The following PLXDC1 variants were observed in gnomAD, a reference collection of about 807,000 sequenced individuals.
PLXDC1 encodes the protein plexin domain-containing protein 1.
A neutral mutation model predicts 61.3 loss-of-function variants in PLXDC1; 39 were observed. The ratio of observed to expected loss-of-function variants is 0.64; its 90% CI spans 0.49 to 0.83. PLXDC1 has a LOEUF of 0.83. Ranked by LOEUF, PLXDC1 falls within the 40% of genes least tolerant of loss-of-function variation. The probability of loss-of-function intolerance (pLI) is 0.00; values close to 1 mark genes in which losing one functional copy is unlikely to be tolerated. For synonymous variants in PLXDC1, 212 were observed against 254.5 expected (o/e 0.83, Z 1.59); for missense variants, 596 against 666.5 (o/e 0.89, Z 1.17).
intron 2 of PLXDC1, among the ~76,000 whole-genome samples, chr17:39,111,398 C>G (rs1910795540): frequency 6.6e-6 from 1 of 152,224 alleles, no homozygotes; most frequent in Non-Finnish European, 1.5e-5. Context: ...GATTCTCGTG[C>G]CTTAGCCTCC....
chr17:39,072,562 G>T, intron 11 of PLXDC1, 77 bp from the exon 12 acceptor site: 1 of 949,150 alleles, frequency 1.1e-6, no homozygotes, highest in Non-Finnish European at 1.7e-6. Flanking sequence ...CAGATGGGAT[G>T]AAAGTTCAGC....
intron 11 of PLXDC1, among the ~76,000 whole-genome samples, chr17:39,075,549 C>T (rs936066422): frequency 2.0e-5 from 3 of 152,210 alleles, no homozygotes; most frequent in Non-Finnish European, 4.4e-5. Flanking sequence ...TCATCTGCCT[C>T]TCTGAGCCTT....
chr17:39,102,600 G>A (rs1050078371), intron 7 of PLXDC1, among the ~76,000 whole-genome samples: 4 of 152,146 alleles, frequency 2.6e-5, no homozygotes, highest in African/African-American at 9.7e-5. Flanking sequence ...CTATCAGGCA[G>A]CCATTAAAGA....
chr17:39,084,138 C>T (rs990801807), intron 8 of PLXDC1, among the ~76,000 whole-genome samples: 13 of 152,156 alleles, frequency 8.5e-5, no homozygotes, highest in African/African-American at 3.1e-4. Context: ...CTCACCTAGT[C>T]GGAGACATTA....
chr17:39,084,775 A>AG (rs1374295806), intron 8 of PLXDC1, among the ~76,000 whole-genome samples: 1 of 152,212 alleles, frequency 6.6e-6, no homozygotes, highest in Non-Finnish European at 1.5e-5. Flanking sequence ...AGGTTGCTGG[A>AG]GGGCGCGTGA....
rs1304970731 is a variant in PLXDC1, at chr17:39,122,109, AAAG to A, written c.256-12721_256-12719del. On this transcript the variant is annotated intron_variant, in intron 2 of 13. Transcript: ENST00000315392. ...AAGACTCTGTCAAAAAAAAAAAAAA[AAAG>A]GGGGGGGGGACTGGGTGCAGTGACT... 4.6e-3 allele frequency among the ~76,000 whole-genome samples: 503 copies of A among 110,026 alleles called. 3 individuals carry two copies. Among genetic ancestry groups the A allele is most frequent in the African/African-American group, 0.013 (457 of 34,064 alleles). 72.2% of individuals were successfully genotyped at this position (110,026 alleles called of 152,430 possible). A position where few individuals can be genotyped will look rare whatever the true frequency, so the allele number is the denominator to read the frequency against.
At chr17:39,090,869 CTCTG>C (rs1381528583) in intron 7 of PLXDC1, among the ~76,000 whole-genome samples, 2 of 120,468 alleles carry the variant, frequency 1.7e-5, no homozygotes, top group Admixed American at 8.0e-5. Flanking sequence ...CCTGTCCTTA[CTCTG>C]TCTTTCTCCC....
intron 2 of PLXDC1, among the ~76,000 whole-genome samples, chr17:39,130,718 GC>G (rs1911531323): frequency 6.6e-6 from 1 of 151,748 alleles, no homozygotes; most frequent in African/African-American, 2.4e-5. Flanking sequence ...ATGCCACCAC[GC>G]CCGGCTAATT....
At chr17:39,105,507 G>T (rs1910560974) in intron 7 of PLXDC1, among the ~76,000 whole-genome samples, 1 of 152,098 alleles carries the variant, frequency 6.6e-6, no homozygotes, top group Non-Finnish European at 1.5e-5. Flanking sequence ...TTATCACCTG[G>T]AGTGGGAAGG....
intron 7 of PLXDC1, among the ~76,000 whole-genome samples, chr17:39,098,212 A>C (rs113951687): frequency 3.8e-5 from 1 of 26,338 alleles, no homozygotes. Flanking sequence ...TCTCAAAAAA[A>C]AAAAAAAAAA....
intron 3 of PLXDC1, 68 bp from the exon 4 acceptor site, chr17:39,109,041 C>A: frequency 7.3e-7 from 1 of 1,362,882 alleles, no homozygotes; most frequent in South Asian, 1.2e-5. Flanking sequence ...CCCACACTGC[C>A]TCATGCTTGT....
chr17:39,093,462 A>G (rs1910027902), intron 7 of PLXDC1, among the ~76,000 whole-genome samples: 2 of 152,152 alleles, frequency 1.3e-5, no homozygotes, highest in Non-Finnish European at 1.5e-5. Context: ...CATGCCTGTA[A>G]TCCCAGCACT....
chr17:39,112,901 T>TGG (rs1358813284), intron 2 of PLXDC1: 1 of 152,142 alleles, frequency 6.6e-6, no homozygotes, highest in East Asian at 1.9e-4. Flanking sequence ...AGCCTTTCCA[T>TGG]CCTTTTGCAT....
At chr17:39,128,105 A>ATGTATATATATGTG (rs1363076233) in intron 2 of PLXDC1, among the ~76,000 whole-genome samples, 1 of 81,786 alleles carries the variant, frequency 1.2e-5, no homozygotes, top group African/African-American at 5.3e-5. Flanking sequence ...GTGTATATAT[A>ATGTATATATATGTG]TATATATATG....
intron 2 of PLXDC1, among the ~76,000 whole-genome samples, chr17:39,135,911 C>A (rs1911739958): frequency 6.6e-6 from 1 of 152,078 alleles, no homozygotes; most frequent in South Asian, 2.1e-4. Context: ...CTTAATGAAC[C>A]CCACTGTCCT....
intron 6 of PLXDC1, among the ~76,000 whole-genome samples, 174 bp from the exon 7 acceptor site, chr17:39,106,127 C>G (rs761017372): frequency 7.2e-5 from 11 of 152,008 alleles, no homozygotes; most frequent in Non-Finnish European, 1.3e-4. Flanking sequence ...CACACCACCT[C>G]CAAGCACATT....
At chr17:39,131,161 G>A (rs1336230671) in intron 2 of PLXDC1, among the ~76,000 whole-genome samples, 1 of 152,094 alleles carries the variant, frequency 6.6e-6, no homozygotes, top group African/African-American at 2.4e-5. Context: ...AGGGCTTGGA[G>A]GGGCTCTAAA....
At chr17:39,117,423 G>A (rs893225157) in intron 2 of PLXDC1, among the ~76,000 whole-genome samples, 2 of 152,106 alleles carry the variant, frequency 1.3e-5, no homozygotes, top group African/African-American at 2.4e-5. Context: ...AAAGTCAACC[G>A]CAATGTCCAC....
At chr17:39,105,709 C>T in intron 7 of PLXDC1, 145 bp downstream of exon 7, 1 of 621,036 alleles carries the variant, frequency 1.6e-6, no homozygotes, top group Non-Finnish European at 2.9e-6. Context: ...CTGGAAGTCA[C>T]TGGGCATCCT....
Sources: allele counts gnomAD v4.1 joint callset (sites outside exome capture counted in the v4.1 genomes callset), GRCh38; gene constraint gnomAD v4.1.1; transcripts MANE v1.5; gene names NCBI Gene and HGNC (gene_info 2026-07-23, HGNC 2026-07-21).